The following RIMBP2 variants were observed in gnomAD, a reference collection of about 807,000 sequenced individuals.
RIMBP2 encodes RIMS-binding protein 2.
A neutral mutation model predicts 118.6 loss-of-function variants in RIMBP2; 48 were observed. The observed-to-expected ratio is 0.40, with a 90% CI of 0.32 to 0.51. The LOEUF (loss-of-function observed/expected upper bound fraction) is 0.51, where lower values mean the gene tolerates loss of function less well. Ranked by LOEUF, RIMBP2 falls within the 20% of genes least tolerant of loss-of-function variation. The pLI is 0.41. For synonymous variants in RIMBP2, 762 were observed against 742.9 expected (o/e 1.03, Z -0.42); for missense variants, 1,551 against 1,768.3 (o/e 0.88, Z 2.20).
intron 3 of RIMBP2, among the ~76,000 whole-genome samples, chr12:130,516,012 T>C (rs1370067616): frequency 6.6e-6 from 1 of 152,238 alleles, no homozygotes; most frequent in Non-Finnish European, 1.5e-5. Flanking sequence ...TTTCAATTCT[T>C]ATACCAGGAT....
At chr12:130,689,441 A>T (rs965730018) in intron 1 of RIMBP2, among the ~76,000 whole-genome samples, 2 of 152,074 alleles carry the variant, frequency 1.3e-5, no homozygotes, top group African/African-American at 4.8e-5. Flanking sequence ...CTCAAAAATT[A>T]ATTAATTAAT....
rs1254090541 is a variant in RIMBP2 at position 130,623,805 on chromosome 12, G to T, written c.-217+4517C>A. On this transcript the variant is annotated intron_variant, in intron 2 of 22. Coordinates refer to ENST00000690449, the MANE Select transcript of RIMBP2 (RefSeq NM_001393629.1). This position sits in a 1 kb window ranked among gnomAD's most constrained non-coding sequence, Gnocchi z 4.1. ...CCTCAGCCAAGTGAAGAGTGCTGGT[G>T]GATAAATACCCCAGCTCCCTCATCC... Among the ~76,000 whole-genome samples, 1 of 152,108 alleles carries T rather than the reference G, an allele frequency of 6.6e-6. No homozygotes were observed. The highest frequency in any genetic ancestry group is 1.5e-5 in the Non-Finnish European group (1 of 68,026).
intron 2 of RIMBP2, among the ~76,000 whole-genome samples, chr12:130,568,225 C>T (rs994115990): frequency 8.5e-5 from 13 of 152,308 alleles, no homozygotes; most frequent in Non-Finnish European, 1.3e-4. Context: ...ACCAACCTTG[C>T]AAGAGGGGAG....
At chr12:130,564,677 C>T (rs2057085801) in intron 2 of RIMBP2, among the ~76,000 whole-genome samples, 1 of 152,162 alleles carries the variant, frequency 6.6e-6, no homozygotes, top group African/African-American at 2.4e-5. Context: ...CTGTAACACT[C>T]CTTTTATATA....
rs1188692146 is a variant in RIMBP2, at chr12:130,397,337, G to C, written c.*24C>G. ...GAATTAAAGAAAATTACATAGATTT[G>C]GCAGTTGTCCGGAAGCACATGAATC... is the stretch of plus-strand genomic sequence containing the variant. On this transcript the variant is annotated 3_prime_UTR_variant, in exon 23 of 23. Transcript: ENST00000690449. The C allele has an allele frequency of 5.0e-6, 2 of 398,714 alleles. No individual in the cohort carries two copies. Among genetic ancestry groups the C allele is most frequent in the African/African-American group, 4.1e-5 (2 of 48,608 alleles). 24.7% of individuals were successfully genotyped at this position (398,714 alleles called of 1,614,324 possible).
chr12:130,504,267 C>T (rs2050091722), intron 4 of RIMBP2, among the ~76,000 whole-genome samples: 1 of 152,168 alleles, frequency 6.6e-6, no homozygotes, highest in East Asian at 1.9e-4. Context: ...TTGTTCTGTG[C>T]AGGCAAAGGG....
At chr12:130,662,010 C>G (rs2063684918) in intron 1 of RIMBP2, among the ~76,000 whole-genome samples, 1 of 152,208 alleles carries the variant, frequency 6.6e-6, no homozygotes, top group African/African-American at 2.4e-5. Flanking sequence ...CTGGGCTTAC[C>G]TACTTGGAGG....
chr12:130,556,519 A>G (rs909841888), intron 2 of RIMBP2, among the ~76,000 whole-genome samples: 18 of 152,258 alleles, frequency 1.2e-4, no homozygotes, highest in Non-Finnish European at 1.9e-4. Context: ...GCAGAATTAA[A>G]GTCCAGCCAG....
intron 4 of RIMBP2, among the ~76,000 whole-genome samples, chr12:130,491,812 G>A (rs759786892): frequency 6.6e-6 from 1 of 152,206 alleles, no homozygotes; most frequent in Non-Finnish European, 1.5e-5. Flanking sequence ...TATGCGCCAC[G>A]GCCAAAACTG....
rs529692427 is a variant in RIMBP2, at chr12:130,511,343, T to C, written c.-126-4573A>G. ...TGAGACACGGTGGTGTGTGTGCTTGTAGGAATTTGTCACAGCAGCAATAGG... is the reference window on the plus strand; with the variant it reads ...TGAGACACGGTGGTGTGTGTGCTTGCAGGAATTTGTCACAGCAGCAATAGG... On this transcript the variant is annotated intron_variant, in intron 3 of 22. Transcript: ENST00000690449. This position sits in a 1 kb window ranked among gnomAD's most constrained non-coding sequence, Gnocchi z 4.3. Among the ~76,000 whole-genome samples the C allele has an allele frequency of 6.6e-6, 1 of 152,162 alleles. No homozygotes were observed. The highest frequency in any genetic ancestry group is 2.1e-4 in the South Asian group (1 of 4,828).
intron 2 of RIMBP2, among the ~76,000 whole-genome samples, chr12:130,611,854 C>T (rs1253949544): frequency 6.6e-6 from 1 of 152,194 alleles, no homozygotes; most frequent in Non-Finnish European, 1.5e-5. Flanking sequence ...GGAAAAAGTT[C>T]TCTGCCATGC....
chr12:130,548,208 G>C (rs530946803), intron 2 of RIMBP2, among the ~76,000 whole-genome samples: 2 of 152,198 alleles, frequency 1.3e-5, no homozygotes, highest in Admixed American at 6.5e-5. Flanking sequence ...GTGAACAAGG[G>C]TGACAGGCAT....
intron 4 of RIMBP2, among the ~76,000 whole-genome samples, chr12:130,491,717 G>A (rs2048658973): frequency 6.6e-6 from 1 of 152,196 alleles, no homozygotes; most frequent in South Asian, 2.1e-4. Context: ...CCTGACACCG[G>A]GCTTCCGCCT....
chr12:130,556,518 A>G (rs35640922), intron 2 of RIMBP2, among the ~76,000 whole-genome samples: 19,813 of 152,294 alleles, frequency 0.13, 1,379 homozygotes, highest in East Asian at 0.2. Context: ...GGCAGAATTA[A>G]AGTCCAGCCA....
chr12:130,524,350 C>G (rs540221694), intron 2 of RIMBP2, among the ~76,000 whole-genome samples: 1 of 149,320 alleles, frequency 6.7e-6, no homozygotes, highest in Non-Finnish European at 1.5e-5. Flanking sequence ...CAAGCAGAGC[C>G]GAGCCAGGCC....
At position 130,622,480 on chromosome 12, in the gene RIMBP2, A is replaced by T. The variant is rs2140854920; in HGVS notation, c.-217+5842T>A. Reference sequence around the variant, plus strand: ...TACGTATAATTCTCTACTATTTTTCATATATTTATATATAATATATATTTG... The same window carrying T: ...TACGTATAATTCTCTACTATTTTTCTTATATTTATATATAATATATATTTG... On this transcript the variant is annotated intron_variant, in intron 2 of 22. Coordinates refer to ENST00000690449, the MANE Select transcript of RIMBP2 (RefSeq NM_001393629.1). This position sits in a 1 kb window ranked among gnomAD's most constrained non-coding sequence, Gnocchi z 8.5. Among the ~76,000 whole-genome samples the T allele has an allele frequency of 6.6e-6, 1 of 151,912 alleles. No individual in the cohort carries two copies. Among genetic ancestry groups the T allele is most frequent in the East Asian group, 1.9e-4 (1 of 5,162 alleles).
chr12:130,484,114 C>T (rs1326151892), intron 4 of RIMBP2, among the ~76,000 whole-genome samples: 1 of 152,172 alleles, frequency 6.6e-6, no homozygotes, highest in Non-Finnish European at 1.5e-5. Flanking sequence ...CTTAGGTGTC[C>T]TTGGCCGGAA....
At chr12:130,676,916 A>G (rs1390302578) in intron 1 of RIMBP2, among the ~76,000 whole-genome samples, 1 of 152,064 alleles carries the variant, frequency 6.6e-6, no homozygotes, top group African/African-American at 2.4e-5. Context: ...GGGTGACGGG[A>G]AAAAGCCTGT....
At chr12:130,608,151 A>G (rs948484089) in intron 2 of RIMBP2, among the ~76,000 whole-genome samples, 12 of 152,240 alleles carry the variant, frequency 7.9e-5, no homozygotes, top group African/African-American at 2.9e-4. Context: ...CAGGAAAAGG[A>G]AAAATATCCA....
Sources: allele counts gnomAD v4.1 joint callset (sites outside exome capture counted in the v4.1 genomes callset), GRCh38; gene constraint gnomAD v4.1.1; non-coding constraint Gnocchi (gnomAD v3.1); transcripts MANE v1.5; gene names NCBI Gene and HGNC (gene_info 2026-07-23, HGNC 2026-07-21).